Variants in ERC2 observed in about 807,000 individuals in gnomAD.
ERC2 encodes ELKS/RAB6-interacting/CAST family member 2, also known as ERC protein 2.
In ERC2, 42 loss-of-function variants were observed where a neutral mutation model predicts 114.8. The observed-to-expected ratio is 0.37, with a 90% CI of 0.29 to 0.47. ERC2 has a LOEUF of 0.47. Among genes scored for constraint, ERC2 ranks in the 20% least tolerant of loss-of-function variants. The pLI, the probability that ERC2 is intolerant of heterozygous loss-of-function variation, is 0.99. For missense variants in ERC2, 939 were observed against 1,150.7 expected (o/e 0.82, Z 2.66); for synonymous variants, 454 against 425.5 (o/e 1.07, Z -0.82).
chr3:55,711,129 A>T (rs1468242793), intron 15 of ERC2, among the ~76,000 whole-genome samples: 1 of 152,196 alleles, frequency 6.6e-6, no homozygotes, highest in Non-Finnish European at 1.5e-5. Context: ...ACAGCATCAA[A>T]CACCTAATCA....
At chr3:55,805,079 G>A (rs1247616171) in intron 14 of ERC2, among the ~76,000 whole-genome samples, 3 of 151,924 alleles carry the variant, frequency 2.0e-5, no homozygotes, top group Admixed American at 2.0e-4. Flanking sequence ...TGAAGCAATG[G>A]AGGAAGGAAG....
chr3:56,163,318 C>T (rs2082152646), intron 4 of ERC2, among the ~76,000 whole-genome samples: 1 of 151,988 alleles, frequency 6.6e-6, no homozygotes, highest in Non-Finnish European at 1.5e-5. Context: ...GTTCCACGTG[C>T]AGGTGGGAAG....
At chr3:56,412,136 A>T (rs2060965345) in intron 2 of ERC2, among the ~76,000 whole-genome samples, 1 of 152,214 alleles carries the variant, frequency 6.6e-6, no homozygotes, top group African/African-American at 2.4e-5. Context: ...ACACACTGAT[A>T]CACACAAAGG....
chr3:56,173,739 C>T lies in ERC2; in HGVS notation c.1075-219G>A, dbSNP rs181137307. 506 of 517,244 alleles carry T rather than the reference C, an allele frequency of 9.8e-4. 3 individuals are homozygous for T. The highest frequency in any genetic ancestry group is 8.9e-3 in the African/African-American group (459 of 51,300). The allele number at this position is 517,244 out of a possible 1,614,324, so 32.0% of individuals were successfully genotyped here. A position where few individuals can be genotyped will look rare whatever the true frequency, so the allele number is the denominator to read the frequency against. On this transcript the variant is annotated intron_variant, in intron 3 of 17. Transcript: ENST00000288221. ...GCACATGCGCTATTTCTGAAACTTCCATCAATAATTAATGTCAACTGTGAC... is the reference window on the plus strand; with the variant it reads ...GCACATGCGCTATTTCTGAAACTTCTATCAATAATTAATGTCAACTGTGAC...
At chr3:56,005,999 C>T (rs2072458259) in intron 10 of ERC2, among the ~76,000 whole-genome samples, 1 of 151,930 alleles carries the variant, frequency 6.6e-6, no homozygotes, top group Non-Finnish European at 1.5e-5. Flanking sequence ...AAGATTTCTG[C>T]TTAACTAAAT....
chr3:55,764,405 G>A lies in ERC2; in HGVS notation c.2565-29487C>T, dbSNP rs148691475. On this transcript the variant is annotated intron_variant, in intron 14 of 17. Coordinates refer to ENST00000288221, the MANE Select transcript of ERC2 (RefSeq NM_015576.3). ...ACTTGCATCGCATTTACTTACTAAC[G>A]GGATCTTTTACCTTGGACTGTGCAC... Among the ~76,000 whole-genome samples the A allele has an allele frequency of 7.9e-5, 12 of 152,218 alleles. No individual in the cohort carries two copies. The East Asian group carries it at 1.7e-3, about 22-fold the overall frequency.
At chr3:56,076,854 A>C (rs1324406407) in intron 7 of ERC2, among the ~76,000 whole-genome samples, 2 of 152,180 alleles carry the variant, frequency 1.3e-5, no homozygotes, top group African/African-American at 4.8e-5. Flanking sequence ...TGAGACTCAG[A>C]GCTCTGAAGG....
intron 11 of ERC2, among the ~76,000 whole-genome samples, chr3:55,987,591 T>C (rs2070734095): frequency 6.6e-6 from 1 of 152,318 alleles, no homozygotes; most frequent in South Asian, 2.1e-4. Context: ...CCATGTACCA[T>C]GAAACTTCTA....
intron 6 of ERC2, among the ~76,000 whole-genome samples, chr3:56,123,882 T>C (rs2079727551): frequency 6.6e-6 from 1 of 152,224 alleles, no homozygotes; most frequent in African/African-American, 2.4e-5. Context: ...GTGTTATTTT[T>C]GGTTCTGGGT....
chr3:56,415,783 T>C (rs1485847724), intron 2 of ERC2, among the ~76,000 whole-genome samples: 1 of 152,208 alleles, frequency 6.6e-6, no homozygotes, highest in Non-Finnish European at 1.5e-5. Context: ...GGGCTTGCTG[T>C]GTCATCCCAT....
Position 55,806,947 on chromosome 3 carries a change from G to T in ERC2, c.2565-72029C>A, listed in dbSNP as rs182875022. 1.5e-3 allele frequency among the ~76,000 whole-genome samples: 227 copies of T among 152,262 alleles called. 2 individuals carry two copies. Among genetic ancestry groups the T allele is most frequent in the African/African-American group, 5.3e-3 (221 of 41,546 alleles). On this transcript the variant is annotated intron_variant, in intron 14 of 17. Coordinates refer to ENST00000288221, the MANE Select transcript of ERC2 (RefSeq NM_015576.3). ...TATGCCTAAGGGGTCTCCTAAGTGT[G>T]GAGCTAAACGTGGAATTTGGGCATA...
At chr3:56,271,755 C>T (rs2053665804) in intron 3 of ERC2, among the ~76,000 whole-genome samples, 1 of 152,132 alleles carries the variant, frequency 6.6e-6, no homozygotes, top group Non-Finnish European at 1.5e-5. Flanking sequence ...TCCTCACCCT[C>T]CTCCCACCTT....
chr3:56,046,653 A>G (rs2149674531), intron 7 of ERC2, among the ~76,000 whole-genome samples: 1 of 152,346 alleles, frequency 6.6e-6, no homozygotes, highest in African/African-American at 2.4e-5. Context: ...GAGTGTCAGC[A>G]TAAATGAAAC....
chr3:55,719,694 A>T (rs192985355), intron 15 of ERC2, among the ~76,000 whole-genome samples: 1 of 152,110 alleles, frequency 6.6e-6, no homozygotes, highest in East Asian at 1.9e-4. Flanking sequence ...ACCCCCAGAG[A>T]TTGCTCTTCC....
chr3:56,056,041 G>T (rs1201955727), intron 7 of ERC2, among the ~76,000 whole-genome samples: 1 of 152,174 alleles, frequency 6.6e-6, no homozygotes, highest in Non-Finnish European at 1.5e-5. Flanking sequence ...AAAGGAGGGG[G>T]CATGAACTTA....
At chr3:55,736,065 G>A (rs1441113616) in intron 14 of ERC2, among the ~76,000 whole-genome samples, 2 of 152,000 alleles carry the variant, frequency 1.3e-5, no homozygotes, top group African/African-American at 4.8e-5. Context: ...AAACATCTAC[G>A]AACCATCAGC....
At chr3:56,253,131 G>A (rs2052289298) in intron 3 of ERC2, among the ~76,000 whole-genome samples, 1 of 152,104 alleles carries the variant, frequency 6.6e-6, no homozygotes, top group Non-Finnish European at 1.5e-5. Context: ...TTACCAGCTG[G>A]TTATTCTAAG....
chr3:55,965,826 A>G (rs1284257221), intron 12 of ERC2, among the ~76,000 whole-genome samples: 4 of 152,198 alleles, frequency 2.6e-5, no homozygotes, highest in Non-Finnish European at 4.4e-5. Flanking sequence ...TCTGATGTGA[A>G]TGAGTAAAAC....
At chr3:55,554,655 G>A (rs2055468735) in intron 17 of ERC2, among the ~76,000 whole-genome samples, 1 of 152,174 alleles carries the variant, frequency 6.6e-6, no homozygotes, top group Non-Finnish European at 1.5e-5. Context: ...AAAGACATTT[G>A]CAAACTGCAT....
Sources: gnomAD v4.1 joint callset for allele counts (sites outside exome capture counted in the v4.1 genomes callset) on GRCh38, gnomAD v4.1.1 for gene constraint, MANE v1.5 for transcripts, NCBI Gene and HGNC (gene_info 2026-07-23, HGNC 2026-07-21) for gene names.